LTBP1: variants seen among roughly 807,000 people sequenced by gnomAD.
LTBP1 encodes the protein latent transforming growth factor beta binding protein 1, also known as latent-transforming growth factor beta-binding protein 1.
In LTBP1, 129 loss-of-function variants were observed where a neutral mutation model predicts 207.6. The ratio of observed to expected loss-of-function variants is 0.62; its 90% CI spans 0.54 to 0.72. The LOEUF (loss-of-function observed/expected upper bound fraction) is 0.72, where lower values mean the gene tolerates loss of function less well. LTBP1 is among the 30% of genes least tolerant of loss of function. The probability of loss-of-function intolerance (pLI) is 0.00; values close to 1 mark genes in which losing one functional copy is unlikely to be tolerated. For missense variants in LTBP1, 2,281 were observed against 2,217.2 expected (o/e 1.03, Z -0.58); for synonymous variants, 963 against 833.7 (o/e 1.16, Z -2.67).
intron 4 of LTBP1, among the ~76,000 whole-genome samples, chr2:33,118,764 G>A (rs555412278): frequency 5.9e-5 from 9 of 152,144 alleles, no homozygotes; most frequent in Non-Finnish European, 1.3e-4. Context: ...TGCCATGCAC[G>A]TTATCCTGGG....
rs559432295 is a variant in LTBP1, at chr2:33,087,665, A to G, written c.864-22917A>G. Among the ~76,000 whole-genome samples, 38 of 152,362 alleles carry G rather than the reference A, an allele frequency of 2.5e-4. 2 individuals are homozygous for G. In the South Asian group the frequency reaches 7.2e-3, roughly 29 times the overall value. On this transcript the variant is annotated intron_variant, in intron 3 of 33. Coordinates refer to ENST00000404816, the MANE Select transcript of LTBP1 (RefSeq NM_206943.4). ...ATGGAAGAAACAGAATGTAAATGAT[A>G]GCTGTGTCTCAAACCATCTTTCAGA... is the stretch of plus-strand genomic sequence containing the variant.
intron 31 of LTBP1, among the ~76,000 whole-genome samples, chr2:33,376,582 A>C (rs17012898): frequency 0.047 from 7,234 of 152,314 alleles, 179 homozygotes; most frequent in African/African-American, 0.059. Context: ...TTCCGTGCTA[A>C]CGGGATCCCA....
intron 3 of LTBP1, among the ~76,000 whole-genome samples, chr2:33,047,350 T>C (rs185222843): frequency 6.6e-6 from 1 of 152,376 alleles, no homozygotes; most frequent in Non-Finnish European, 1.5e-5. Flanking sequence ...CTTACTTCTT[T>C]CTGCCTTAAT....
At chr2:32,974,845 T>C (rs1681461758) in intron 2 of LTBP1, among the ~76,000 whole-genome samples, 1 of 152,248 alleles carries the variant, frequency 6.6e-6, no homozygotes, top group Admixed American at 6.5e-5. Context: ...TCGTACTCTG[T>C]GCCTTTTAAC....
chr2:33,104,538 T>C (rs1405862200), intron 3 of LTBP1, among the ~76,000 whole-genome samples: 1 of 152,228 alleles, frequency 6.6e-6, no homozygotes, highest in Non-Finnish European at 1.5e-5. Flanking sequence ...GGTGGTCCTC[T>C]CCTGCTTCCT....
Position 33,044,964 on chromosome 2 carries a change from T to C in LTBP1, c.863+23758T>C, listed in dbSNP as rs138525918. On this transcript the variant is annotated intron_variant, in intron 3 of 33. Coordinates refer to ENST00000404816, the MANE Select transcript of LTBP1 (RefSeq NM_206943.4). ...CCCACTTTTTGATGGGGTTGTTTGG[T>C]TTTTTTTTCATGTAAATTTGTTTAA... 7.8e-3 allele frequency among the ~76,000 whole-genome samples: 1,173 copies of C among 151,250 alleles called. 14 individuals are homozygous for C. The highest frequency in any genetic ancestry group is 0.026 in the African/African-American group (1,084 of 41,210).
At chr2:33,162,612 A>C (rs2084565165) in intron 5 of LTBP1, among the ~76,000 whole-genome samples, 1 of 152,220 alleles carries the variant, frequency 6.6e-6, no homozygotes. Flanking sequence ...TCATGAGCAG[A>C]TGGAAGATCT....
chr2:33,271,370 A>G lies in LTBP1; in HGVS notation c.2618-2286A>G, dbSNP rs1277360820. Among the ~76,000 whole-genome samples the G allele has an allele frequency of 2.0e-5, 3 of 152,114 alleles. No individual in the cohort carries two copies. In the South Asian group the frequency reaches 6.2e-4, roughly 32 times the overall value. Reference sequence around the variant, plus strand: ...AAATGTCAGAGATGAGTATAAAGATAGGTCAATAACCACCCGGGAAAAAAC... The same window carrying G: ...AAATGTCAGAGATGAGTATAAAGATGGGTCAATAACCACCCGGGAAAAAAC... On this transcript the variant is annotated intron_variant, in intron 15 of 33. Coordinates refer to ENST00000404816, the MANE Select transcript of LTBP1 (RefSeq NM_206943.4).
At chr2:33,273,147 G>A (rs2093356030) in intron 15 of LTBP1, among the ~76,000 whole-genome samples, 1 of 152,102 alleles carries the variant, frequency 6.6e-6, no homozygotes, top group Non-Finnish European at 1.5e-5. Context: ...AGAAGTGGGA[G>A]GTCTTTGGGG....
chr2:33,249,349 ACACAC>A (rs2092613762), intron 10 of LTBP1, among the ~76,000 whole-genome samples: 1 of 151,738 alleles, frequency 6.6e-6, no homozygotes, highest in Non-Finnish European at 1.5e-5. Flanking sequence ...ACACACACAC[ACACAC>A]ACACACACAC....
chr2:33,289,554 CAG>C (rs954526317), intron 19 of LTBP1, among the ~76,000 whole-genome samples: 12 of 152,052 alleles, frequency 7.9e-5, no homozygotes, highest in South Asian at 2.1e-4. Flanking sequence ...TGTGTGGAGA[CAG>C]GGGCTTGCTG....
chr2:33,363,313 C>A (rs1180100636), intron 28 of LTBP1, 77 bp from the exon 29 acceptor site: 6 of 1,460,798 alleles, frequency 4.1e-6, no homozygotes, highest in Non-Finnish European at 5.7e-6. Flanking sequence ...CTTAAAGCCC[C>A]AAATCTGGTT....
At chr2:33,213,810 C>T (rs953848668) in intron 7 of LTBP1, among the ~76,000 whole-genome samples, 3 of 152,328 alleles carry the variant, frequency 2.0e-5, no homozygotes, top group African/African-American at 7.2e-5. Flanking sequence ...AGTTTCAAGA[C>T]ACACACAGTG....
At chr2:33,359,701 G>A (rs1342808625) in intron 26 of LTBP1, among the ~76,000 whole-genome samples, 2 of 152,172 alleles carry the variant, frequency 1.3e-5, no homozygotes, top group Non-Finnish European at 2.9e-5. Flanking sequence ...CTGGATCATA[G>A]GCAGTAATTT....
chr2:33,031,254 A>G (rs1193714780), intron 3 of LTBP1, among the ~76,000 whole-genome samples: 1 of 152,236 alleles, frequency 6.6e-6, no homozygotes, highest in Non-Finnish European at 1.5e-5. Context: ...TTACACAGAC[A>G]TAAATCGTAA....
intron 11 of LTBP1, among the ~76,000 whole-genome samples, chr2:33,253,290 T>C (rs2092734121): frequency 6.6e-6 from 1 of 152,218 alleles, no homozygotes; most frequent in African/African-American, 2.4e-5. Flanking sequence ...GGAAATTATA[T>C]TCATGATTGA....
chr2:33,249,486 A>T (rs748965880), intron 10 of LTBP1, among the ~76,000 whole-genome samples: 2 of 152,220 alleles, frequency 1.3e-5, no homozygotes, highest in African/African-American at 4.8e-5. Flanking sequence ...GTTGCTTAAT[A>T]TATCACTGAG....
At chr2:32,964,154 T>A (rs1460897571) in intron 2 of LTBP1, among the ~76,000 whole-genome samples, 1 of 152,172 alleles carries the variant, frequency 6.6e-6, no homozygotes, top group Admixed American at 6.5e-5. Context: ...TCATGCTGAC[T>A]CCATCCTGGA....
intron 5 of LTBP1, among the ~76,000 whole-genome samples, chr2:33,179,962 G>A (rs1416015221): frequency 4.6e-5 from 7 of 152,080 alleles, no homozygotes; most frequent in African/African-American, 1.7e-4. Context: ...CTTTCTCCCT[G>A]CCTCTTACAC....
Sources: allele counts gnomAD v4.1 joint callset (sites outside exome capture counted in the v4.1 genomes callset), GRCh38; gene constraint gnomAD v4.1.1; transcripts MANE v1.5; gene names NCBI Gene and HGNC (gene_info 2026-07-23, HGNC 2026-07-21).